Variants in OXR1 observed in about 807,000 individuals in gnomAD.
OXR1 encodes oxidation resistance 1.
A neutral mutation model predicts 104.6 loss-of-function variants in OXR1; 41 were observed. The observed-to-expected ratio is 0.39, with a 90% CI of 0.31 to 0.51. OXR1 has a LOEUF of 0.51. Ranked by LOEUF, OXR1 falls within the 20% of genes least tolerant of loss-of-function variation. The probability of loss-of-function intolerance (pLI) is 0.77; values close to 1 mark genes in which losing one functional copy is unlikely to be tolerated. For missense variants in OXR1, 955 were observed against 1,031.9 expected (o/e 0.93, Z 1.02); for synonymous variants, 348 against 348.4 (o/e 1.00, Z 0.01).
chr8:106,694,827 T>TTATATATATAATA (rs1211089563), intron 7 of OXR1, among the ~76,000 whole-genome samples: 1 of 124,412 alleles, frequency 8.0e-6, no homozygotes, highest in African/African-American at 3.2e-5. Context: ...ATAAATACAT[T>TTATATATATAATA]TATATATATA....
At chr8:106,317,596 T>G (rs1374817705) in intron 1 of OXR1, among the ~76,000 whole-genome samples, 2 of 152,156 alleles carry the variant, frequency 1.3e-5, no homozygotes, top group Admixed American at 6.5e-5. Flanking sequence ...CGAGGTGACT[T>G]TCTAGTTAGG....
rs555465603 is a variant in OXR1, at chr8:106,409,745, A to G, written c.23+50109A>G. On this transcript the variant is annotated intron_variant, in intron 2 of 16. Transcript: ENST00000517566. Reference sequence around the variant, plus strand: ...GGCTTAGTTACAGTTGGGCTTAATGATAGAAAAAGAATTAGTTTGACTTTC... The same window carrying G: ...GGCTTAGTTACAGTTGGGCTTAATGGTAGAAAAAGAATTAGTTTGACTTTC... Among the ~76,000 whole-genome samples, 7 of 152,308 alleles carry G rather than the reference A, an allele frequency of 4.6e-5. No homozygotes were observed. In the South Asian group the frequency reaches 1.4e-3, roughly 32 times the overall value.
chr8:106,468,178 A>G (rs753182109), intron 2 of OXR1, among the ~76,000 whole-genome samples: 12 of 151,874 alleles, frequency 7.9e-5, no homozygotes, highest in Non-Finnish European at 1.2e-4. Context: ...GAGAACAGCC[A>G]TGGACAAGAC....
chr8:106,628,327 G>A (rs1822351415), intron 3 of OXR1, among the ~76,000 whole-genome samples: 2 of 152,038 alleles, frequency 1.3e-5, no homozygotes, highest in African/African-American at 4.8e-5. Context: ...CCAAAGACTG[G>A]GCAGGGAATT....
At chr8:106,667,366 ATTAT>A (rs982481146) in intron 3 of OXR1, among the ~76,000 whole-genome samples, 1 of 152,172 alleles carries the variant, frequency 6.6e-6, no homozygotes, top group Non-Finnish European at 1.5e-5. Context: ...TTAGCAGGTT[ATTAT>A]TTATTTATTT....
intron 3 of OXR1, among the ~76,000 whole-genome samples, chr8:106,539,512 A>C (rs1814792531): frequency 6.6e-6 from 1 of 152,204 alleles, no homozygotes; most frequent in Non-Finnish European, 1.5e-5. Context: ...TTTTTTGATG[A>C]AAATCAAAAT....
intron 1 of OXR1, among the ~76,000 whole-genome samples, chr8:106,359,242 G>A (rs1161415439): frequency 6.6e-6 from 1 of 151,978 alleles, no homozygotes; most frequent in Non-Finnish European, 1.5e-5. Context: ...CTACTCCGGG[G>A]ATTTAACATT....
At chr8:106,608,751 C>T (rs553148904) in intron 3 of OXR1, among the ~76,000 whole-genome samples, 1 of 152,270 alleles carries the variant, frequency 6.6e-6, no homozygotes, top group Non-Finnish European at 1.5e-5. Context: ...ACAAAGGAAA[C>T]AGAAACCAGT....
chr8:106,492,404 G>A (rs1586715657), intron 2 of OXR1, among the ~76,000 whole-genome samples: 2 of 152,308 alleles, frequency 1.3e-5, no homozygotes, highest in South Asian at 4.1e-4. Context: ...AATAGCCTCA[G>A]AGAATCTAAA....
At chr8:106,731,028 T>G (rs1210458047) in intron 11 of OXR1, among the ~76,000 whole-genome samples, 1 of 152,248 alleles carries the variant, frequency 6.6e-6, no homozygotes. Flanking sequence ...TGCTGACATT[T>G]GCTGTTGTCA....
At chr8:106,297,851 A>G (rs1257924270) in intron 1 of OXR1, among the ~76,000 whole-genome samples, 1 of 152,214 alleles carries the variant, frequency 6.6e-6, no homozygotes, top group Non-Finnish European at 1.5e-5. Context: ...GGAGAAATCT[A>G]TAAGATAAAG....
intron 3 of OXR1, among the ~76,000 whole-genome samples, chr8:106,678,817 A>G (rs1827855127): frequency 6.6e-6 from 1 of 152,038 alleles, no homozygotes; most frequent in Non-Finnish European, 1.5e-5. Flanking sequence ...TAATGTTACA[A>G]TTTCTTATTT....
At chr8:106,517,198 T>C (rs192869237) in intron 2 of OXR1, among the ~76,000 whole-genome samples, 1 of 152,304 alleles carries the variant, frequency 6.6e-6, no homozygotes, top group Admixed American at 6.5e-5. Flanking sequence ...TTGTTGTCAA[T>C]GTAATAACTC....
intron 3 of OXR1, among the ~76,000 whole-genome samples, chr8:106,563,318 A>G (rs1816828417): frequency 6.6e-6 from 1 of 151,870 alleles, no homozygotes; most frequent in South Asian, 2.1e-4. Context: ...AAAAAAAGAA[A>G]AAAAAAGCAG....
chr8:106,274,620 C>G (rs1811961732), intron 1 of OXR1, among the ~76,000 whole-genome samples: 1 of 148,540 alleles, frequency 6.7e-6, no homozygotes, highest in Non-Finnish European at 1.5e-5. Context: ...CGACCCCGCC[C>G]TTTCTCCTGT....
chr8:106,497,141 A>G (rs749821339), intron 2 of OXR1, among the ~76,000 whole-genome samples: 8 of 152,248 alleles, frequency 5.3e-5, no homozygotes, highest in Non-Finnish European at 1.0e-4. Context: ...GTTCATATCC[A>G]CTAGAGCTGT....
chr8:106,664,313 A>G (rs1826061918), intron 3 of OXR1, among the ~76,000 whole-genome samples: 1 of 152,182 alleles, frequency 6.6e-6, no homozygotes, highest in South Asian at 2.1e-4. Context: ...TTGTTAGAAA[A>G]ATATTGTTGA....
chr8:106,287,472 C>T (rs552206426), intron 1 of OXR1, among the ~76,000 whole-genome samples: 4 of 152,234 alleles, frequency 2.6e-5, no homozygotes, highest in East Asian at 1.9e-4. Flanking sequence ...TCTGAATGGT[C>T]TCCAAGTACA....
At chr8:106,385,037 A>T (rs1392423281) in intron 2 of OXR1, among the ~76,000 whole-genome samples, 2 of 152,158 alleles carry the variant, frequency 1.3e-5, no homozygotes, top group Non-Finnish European at 1.5e-5. Context: ...CTTAACTTAA[A>T]ATAATATTAA....
Sources: gnomAD v4.1 joint callset for allele counts (sites outside exome capture counted in the v4.1 genomes callset) on GRCh38, gnomAD v4.1.1 for gene constraint, MANE v1.5 for transcripts, NCBI Gene and HGNC (gene_info 2026-07-23, HGNC 2026-07-21) for gene names.